The following AGAP1 variants were observed in gnomAD, a reference collection of about 807,000 sequenced individuals.
AGAP1 encodes the protein arf-GAP with GTPase, ANK repeat and PH domain-containing protein 1.
Under a neutral mutation model 105.3 loss-of-function variants are expected in AGAP1, and 29 were observed. The observed-to-expected ratio is 0.28, with a 90% CI of 0.21 to 0.38. AGAP1 has a LOEUF of 0.38. Ranked by LOEUF, AGAP1 falls within the 10% of genes least tolerant of loss-of-function variation. AGAP1 has a pLI of 1.00. For synonymous variants in AGAP1, 509 were observed against 485.9 expected, an observed-to-expected ratio of 1.05 and a Z score of -0.63; for missense variants, 998 against 1,165.1, an observed-to-expected ratio of 0.86 and a Z score of 2.09.
Position 235,658,566 on chromosome 2 carries a change from G to GGTGGA in AGAP1, c.164-50612_164-50611insTGGAG, listed in dbSNP as rs1947846640. 7.2e-5 allele frequency among the ~76,000 whole-genome samples: 11 copies of GGTGGA among 152,278 alleles called. 1 individual carries two copies. In the South Asian group the frequency reaches 1.9e-3, roughly 26 times the overall value. On this transcript the variant is annotated intron_variant, in intron 1 of 17. Coordinates refer to ENST00000304032, the MANE Select transcript of AGAP1 (RefSeq NM_001037131.3). ...AGAGTGTCCGGGTGAGAGGGTGCTGGGGGCACGTGCCCAGCAGGGGTGGAG... is the reference window on the plus strand; with the variant it reads ...AGAGTGTCCGGGTGAGAGGGTGCTGGGTGGAGGGCACGTGCCCAGCAGGGGTGGAG...
rs1287877775 is a variant in AGAP1 at position 235,967,756 on chromosome 2, TTC to T, written c.1484-702_1484-701del. On this transcript the variant is annotated intron_variant, in intron 12 of 17. Coordinates refer to ENST00000304032, the MANE Select transcript of AGAP1 (RefSeq NM_001037131.3). The surrounding 1 kb of genome is among the most constrained non-coding windows in gnomAD (Gnocchi z 4.7). ...CTGGTCATGTAGTACCGCTTTGGCC[TTC>T]TCTTTGATAAAGATACAAATGGACA... Among the ~76,000 whole-genome samples the T allele has an allele frequency of 6.6e-6, 1 of 152,224 alleles. No individual in the cohort carries two copies. Among genetic ancestry groups the T allele is most frequent in the Non-Finnish European group, 1.5e-5 (1 of 68,032 alleles).
At position 235,725,151 on chromosome 2, in the gene AGAP1, T is replaced by C. The variant is rs1042866234; in HGVS notation, c.310+7507T>C. Reference sequence around the variant, plus strand: ...TTCTACTGGCCACTGGCTTCTGGCCTCCAGGGCCAGCTGGCTGTACAGCCA... The same window carrying C: ...TTCTACTGGCCACTGGCTTCTGGCCCCCAGGGCCAGCTGGCTGTACAGCCA... On this transcript the variant is annotated intron_variant, in intron 3 of 17. Transcript: ENST00000304032. The surrounding 1 kb of genome is among the most constrained non-coding windows in gnomAD (Gnocchi z 5.7). 2.0e-5 allele frequency among the ~76,000 whole-genome samples: 3 copies of C among 152,184 alleles called. No individual in the cohort carries two copies. The highest frequency in any genetic ancestry group is 2.9e-5 in the Non-Finnish European group (2 of 68,030).
chr2:235,848,365 A>G (rs1961758963), intron 9 of AGAP1, among the ~76,000 whole-genome samples: 1 of 152,234 alleles, frequency 6.6e-6, no homozygotes, highest in Admixed American at 6.5e-5. Context: ...GAGTCCATGC[A>G]AGGTAAATGA....
intron 1 of AGAP1, among the ~76,000 whole-genome samples, chr2:235,684,750 T>A (rs1463663028): frequency 3.3e-5 from 5 of 152,138 alleles, no homozygotes; most frequent in Non-Finnish European, 7.4e-5. Context: ...CTGCTTGAGT[T>A]TTTAGAGCTG....
rs377356734 is a variant in AGAP1, at chr2:235,714,412, G to A, written c.223-3145G>A. Among the ~76,000 whole-genome samples the A allele has an allele frequency of 4.6e-5, 7 of 152,018 alleles. No individual in the cohort carries two copies. Among genetic ancestry groups the A allele is most frequent in the African/African-American group, 9.7e-5 (4 of 41,376 alleles). ...CCATATAGTTGAAGGCTTGTCAGAG[G>A]AGGTGACATCTGAACTGATAGTAAG... On this transcript the variant is annotated intron_variant, in intron 2 of 17. Transcript: ENST00000304032. The surrounding 1 kb of genome is among the most constrained non-coding windows in gnomAD (Gnocchi z 4.1).
At chr2:235,508,454 C>T (rs1296052245) in intron 1 of AGAP1, among the ~76,000 whole-genome samples, 1 of 152,220 alleles carries the variant, frequency 6.6e-6, no homozygotes, top group African/African-American at 2.4e-5. Flanking sequence ...TTGAAACTCA[C>T]ATTCACGCTC....
In AGAP1 at chr2:235,861,855, A is replaced by G. The variant is rs145926567; in HGVS notation, c.1051-21490A>G. Among the ~76,000 whole-genome samples, 825 of 152,326 alleles carry G rather than the reference A, an allele frequency of 5.4e-3. 10 individuals carry two copies. Among genetic ancestry groups the G allele is most frequent in the African/African-American group, 0.019 (791 of 41,572 alleles). ...AGTTCCAGTAACTTGGCATTTCCTTAAATGAAACATTAACATCTGTAGAAA... is the reference window on the plus strand; with the variant it reads ...AGTTCCAGTAACTTGGCATTTCCTTGAATGAAACATTAACATCTGTAGAAA... On this transcript the variant is annotated intron_variant, in intron 9 of 17. Coordinates refer to ENST00000304032, the MANE Select transcript of AGAP1 (RefSeq NM_001037131.3).
chr2:235,800,459 A>G (rs905893093), intron 8 of AGAP1, among the ~76,000 whole-genome samples: 3 of 152,072 alleles, frequency 2.0e-5, no homozygotes, highest in African/African-American at 7.2e-5. Flanking sequence ...TCTCTGAGCT[A>G]CAGAGGTGGC....
chr2:235,534,917 T>C (rs7600733), intron 1 of AGAP1, among the ~76,000 whole-genome samples: 7,311 of 152,196 alleles, frequency 0.048, 524 homozygotes, highest in African/African-American at 0.16. Context: ...TTATCAGTTG[T>C]AGTATTGACA....
intron 16 of AGAP1, among the ~76,000 whole-genome samples, chr2:236,116,454 A>G (rs1559291610): frequency 6.6e-6 from 1 of 150,654 alleles, no homozygotes; most frequent in African/African-American, 2.4e-5. Context: ...GATTCAAGCA[A>G]TTCTCCTGCA....
chr2:235,746,699 C>T (rs1952979716), intron 5 of AGAP1, among the ~76,000 whole-genome samples: 1 of 152,058 alleles, frequency 6.6e-6, no homozygotes, highest in East Asian at 1.9e-4. Context: ...AATAAGCTCC[C>T]CTTCCTGCAG....
intron 13 of AGAP1, among the ~76,000 whole-genome samples, chr2:236,008,090 C>T (rs2056384310): frequency 6.6e-6 from 1 of 152,180 alleles, no homozygotes; most frequent in African/African-American, 2.4e-5. Context: ...GTATTCAGTC[C>T]TAACATATGT....
intron 1 of AGAP1, among the ~76,000 whole-genome samples, chr2:235,527,672 G>T (rs34159990): frequency 0.15 from 23,147 of 152,184 alleles, 1,930 homozygotes; most frequent in East Asian, 0.31. Context: ...ACCGTAGTGA[G>T]CTGCCGCTCC....
intron 6 of AGAP1, among the ~76,000 whole-genome samples, chr2:235,759,036 C>G (rs1027364459): frequency 1.2e-4 from 18 of 152,096 alleles, no homozygotes; most frequent in Admixed American, 1.3e-4. Flanking sequence ...CAAAGCGATC[C>G]GACCGCCTCA....
intron 16 of AGAP1, among the ~76,000 whole-genome samples, chr2:236,102,548 A>G (rs1206094336): frequency 6.6e-6 from 1 of 151,362 alleles, no homozygotes; most frequent in East Asian, 1.9e-4. Flanking sequence ...AGATCGCGTC[A>G]TTGCACTCCA....
At position 235,613,702 on chromosome 2, in the gene AGAP1, A is replaced by G. The variant is rs182354694; in HGVS notation, c.164-95477A>G. 1.2e-3 allele frequency among the ~76,000 whole-genome samples: 181 copies of G among 152,376 alleles called. 1 individual carries two copies. The highest frequency in any genetic ancestry group is 1.9e-3 in the Non-Finnish European group (128 of 68,044). ...TAACTAGAACCACTTTATTGCTATT[A>G]TTCCAGGTGATCTACTGATAAATTA... On this transcript the variant is annotated intron_variant, in intron 1 of 17. Coordinates refer to ENST00000304032, the MANE Select transcript of AGAP1 (RefSeq NM_001037131.3).
rs923632517 is a variant in AGAP1 at position 235,692,760 on chromosome 2, G to A, written c.164-16419G>A. On this transcript the variant is annotated intron_variant, in intron 1 of 17. Transcript: ENST00000304032. This position sits in a 1 kb window ranked among gnomAD's most constrained non-coding sequence, Gnocchi z 5.8. ...TGTGTCCTGCATGGCATTTGTTACA[G>A]CCCGCAGTCACAGGTCTTGCGGTGG... Among the ~76,000 whole-genome samples the A allele has an allele frequency of 2.0e-5, 3 of 152,192 alleles. No homozygotes were observed. In the East Asian group the frequency reaches 5.8e-4, roughly 29 times the overall value.
rs1280373172 is a variant in AGAP1, at chr2:235,577,918, G to C, written c.163+83069G>C. Among the ~76,000 whole-genome samples the C allele has an allele frequency of 6.6e-6, 1 of 152,094 alleles. No individual in the cohort carries two copies. Among genetic ancestry groups the C allele is most frequent in the Admixed American group, 6.5e-5 (1 of 15,276 alleles). Reference sequence around the variant, plus strand: ...CACTGAGCCTGGTCTGAGCGGGGCTGTTTGTTGAGGCTCCTGATGCAGACA... The same window carrying C: ...CACTGAGCCTGGTCTGAGCGGGGCTCTTTGTTGAGGCTCCTGATGCAGACA... On this transcript the variant is annotated intron_variant, in intron 1 of 17. Coordinates refer to ENST00000304032, the MANE Select transcript of AGAP1 (RefSeq NM_001037131.3). The surrounding 1 kb of genome is among the most constrained non-coding windows in gnomAD (Gnocchi z 4.5).
In AGAP1 at chr2:235,517,165, G is replaced by A. The variant is rs564345631; in HGVS notation, c.163+22316G>A. Reference sequence around the variant, plus strand: ...TTCTGTGCCTCACCTGGTCTTTTCCGTGTGTGTGGTCTTCAGTGTTTTTCC... The same window carrying A: ...TTCTGTGCCTCACCTGGTCTTTTCCATGTGTGTGGTCTTCAGTGTTTTTCC... On this transcript the variant is annotated intron_variant, in intron 1 of 17. Transcript: ENST00000304032. The surrounding 1 kb of genome is among the most constrained non-coding windows in gnomAD (Gnocchi z 4.1). Among the ~76,000 whole-genome samples the A allele has an allele frequency of 1.1e-4, 16 of 152,306 alleles. No homozygotes were observed. In the East Asian group the frequency reaches 2.3e-3, roughly 22 times the overall value.
Sources: allele counts gnomAD v4.1 joint callset (sites outside exome capture counted in the v4.1 genomes callset), GRCh38; gene constraint gnomAD v4.1.1; non-coding constraint Gnocchi (gnomAD v3.1); transcripts MANE v1.5; gene names NCBI Gene and HGNC (gene_info 2026-07-23, HGNC 2026-07-21).